The following TECPR2 variants were observed in gnomAD, a reference collection of about 807,000 sequenced individuals.
The protein encoded by TECPR2 is tectonin beta-propeller repeat containing 2.
A neutral mutation model predicts 138.1 loss-of-function variants in TECPR2; 65 were observed. The ratio of observed to expected loss-of-function variants is 0.47; its 90% CI spans 0.39 to 0.58. The LOEUF is 0.58. Among genes scored for constraint, TECPR2 ranks in the 20% least tolerant of loss-of-function variants. TECPR2 has a pLI of 0.00. For synonymous variants in TECPR2, 746 were observed against 749.8 expected (o/e 0.99, Z 0.08); for missense variants, 1,553 against 1,824.5 (o/e 0.85, Z 2.71).
At position 102,498,442 on chromosome 14, in the gene TECPR2, C is replaced by T. The variant is rs1165383165; in HGVS notation, c.*185C>T. ...CGTTCCAGAACCCACAGCCTCCACC[C>T]GTGGCTGGCGTGATTGCTGCAGCAG... On this transcript the variant is annotated 3_prime_UTR_variant, in exon 20 of 20. Transcript: ENST00000359520. The T allele has an allele frequency of 1.2e-5, 9 of 768,010 alleles. No individual in the cohort carries two copies. Among genetic ancestry groups the T allele is most frequent in the South Asian group, 1.9e-5 (1 of 53,778 alleles). 47.6% of individuals were successfully genotyped at this position (768,010 alleles called of 1,614,324 possible).
chr14:102,432,224 A>C, intron 8 of TECPR2, 96 bp downstream of exon 8: 8 of 1,246,058 alleles, frequency 6.4e-6, no homozygotes, highest in Non-Finnish European at 7.5e-6. Context: ...TGCTCCATAC[A>C]TCCAAAAGCA....
In TECPR2 at chr14:102,434,255, T is replaced by C; in HGVS notation, c.1438T>C (p.Cys480Arg). Residue 480 changes from cysteine (C) to arginine (R), a missense_variant, in exon 9 of 20, where the codon TGT (cysteine) becomes CGT (arginine). By Grantham distance (180) the Cys-to-Arg change is radical. Transcript: ENST00000359520. Reference sequence around the variant, plus strand: ...ATTAGAAGGTGGAAGCAGGAGCACCTGTCACAGCTCCCTGGAATCGACACC... The same window carrying C: ...ATTAGAAGGTGGAAGCAGGAGCACCCGTCACAGCTCCCTGGAATCGACACC... Reference protein sequence around the residue: ...KKTEGGSRSTCHSSLESTPCS... With the variant: ...KKTEGGSRSTRHSSLESTPCS... 1 of 1,375,974 alleles carries C rather than the reference T, an allele frequency of 7.3e-7. No homozygotes were observed. Among genetic ancestry groups the C allele is most frequent in the Non-Finnish European group, 9.4e-7 (1 of 1,058,380 alleles). 85.2% of individuals were successfully genotyped at this position (1,375,974 alleles called of 1,614,324 possible).
intron 17 of TECPR2, among the ~76,000 whole-genome samples, chr14:102,470,639 C>CT (rs200949179): frequency 0.017 from 2,318 of 135,992 alleles, 48 homozygotes; most frequent in African/African-American, 0.037. Flanking sequence ...TCTTCTTCTT[C>CT]TTTTTTTTTT....
intron 2 of TECPR2, among the ~76,000 whole-genome samples, chr14:102,388,469 G>A (rs562149033): frequency 5.3e-5 from 8 of 152,044 alleles, no homozygotes; most frequent in South Asian, 4.1e-4. Flanking sequence ...CAAGGTGGGC[G>A]GATCACTTAA....
intron 17 of TECPR2, among the ~76,000 whole-genome samples, chr14:102,475,562 C>T (rs1890740705): frequency 6.6e-6 from 1 of 152,168 alleles, no homozygotes; most frequent in Admixed American, 6.5e-5. Flanking sequence ...ACAGTAAATG[C>T]AGCTCTGGTC....
At chr14:102,390,404 T>G (rs936703483) in intron 2 of TECPR2, among the ~76,000 whole-genome samples, 3 of 151,816 alleles carry the variant, frequency 2.0e-5, no homozygotes, top group Admixed American at 6.6e-5. Context: ...AAGTTGGAAA[T>G]AAAGGCAAAG....
intron 2 of TECPR2, among the ~76,000 whole-genome samples, chr14:102,406,331 G>A (rs1230864616): frequency 1.3e-5 from 2 of 149,836 alleles, no homozygotes; most frequent in African/African-American, 2.5e-5. Flanking sequence ...GGCAGATCAC[G>A]AGGTCAGGAG....
At chr14:102,399,461 C>T (rs1888411327) in intron 2 of TECPR2, among the ~76,000 whole-genome samples, 1 of 152,008 alleles carries the variant, frequency 6.6e-6, no homozygotes, top group East Asian at 1.9e-4. Context: ...AAGACCTGCC[C>T]CGCAAGAAAT....
intron 3 of TECPR2, among the ~76,000 whole-genome samples, 199 bp downstream of exon 3, chr14:102,407,665 C>G (rs1888699016): frequency 6.6e-6 from 1 of 152,122 alleles, no homozygotes; most frequent in Admixed American, 6.5e-5. Context: ...AGATCAAGAC[C>G]ATCCTGGCCA....
Position 102,498,338 on chromosome 14 carries a change from C to T in TECPR2, c.*81C>T, listed in dbSNP as rs867789795. The T allele has an allele frequency of 1.9e-5, 28 of 1,475,910 alleles. No individual in the cohort carries two copies. In the Middle Eastern group the frequency reaches 7.3e-4, roughly 38 times the overall value. The allele number at this position is 1,475,910 out of a possible 1,614,324, so 91.4% of individuals were successfully genotyped here. On this transcript the variant is annotated 3_prime_UTR_variant, in exon 20 of 20. Coordinates refer to ENST00000359520, the MANE Select transcript of TECPR2 (RefSeq NM_014844.5). The stretch of plus-strand genomic sequence containing the variant: ...CTTCAGAGTGACTCCCTGGTGGACG[C>T]GCTGCCTCAACACTTGTCCAGACAC...
chr14:102,445,973 G>T, intron 13 of TECPR2, 26 bp downstream of exon 13: 1 of 1,596,084 alleles, frequency 6.3e-7, no homozygotes, highest in African/African-American at 1.3e-5. Flanking sequence ...TGCGCCACGT[G>T]CCGAGGTCTC....
Position 102,499,414 on chromosome 14 carries a change from G to A in TECPR2, c.*1157G>A, listed in dbSNP as rs963528651. Reference sequence around the variant, plus strand: ...GATATGTTTTCCGAAAACAGTGGAAGCCCTTTGTTCCTTCCCGGGTTTGTC... The same window carrying A: ...GATATGTTTTCCGAAAACAGTGGAAACCCTTTGTTCCTTCCCGGGTTTGTC... On this transcript the variant is annotated 3_prime_UTR_variant, in exon 20 of 20. Transcript: ENST00000359520. 4.4e-5 allele frequency: 26 copies of A among 588,820 alleles called. No homozygotes were observed. Among genetic ancestry groups the A allele is most frequent in the Non-Finnish European group, 6.4e-5 (21 of 330,244 alleles). 36.5% of individuals were successfully genotyped at this position (588,820 alleles called of 1,614,324 possible). A position where few individuals can be genotyped will look rare whatever the true frequency, so the allele number is the denominator to read the frequency against.
Position 102,443,131 on chromosome 14 carries a change from G to A in TECPR2, c.2753-516G>A, listed in dbSNP as rs569954096. Among the ~76,000 whole-genome samples the A allele has an allele frequency of 1.3e-5, 2 of 152,244 alleles. No homozygotes were observed. Among genetic ancestry groups the A allele is most frequent in the Admixed American group, 1.3e-4 (2 of 15,284 alleles). On this transcript the variant is annotated intron_variant, in intron 11 of 19. Transcript: ENST00000359520. This position sits in a 1 kb window ranked among gnomAD's most constrained non-coding sequence, Gnocchi z 4.9. Reference sequence around the variant, plus strand: ...TCAGGTCCCTGCCAACTCCAGCAGCGCTGCAGCCCTCTGCCTGGAAGAGCT... The same window carrying A: ...TCAGGTCCCTGCCAACTCCAGCAGCACTGCAGCCCTCTGCCTGGAAGAGCT...
chr14:102,412,378 TCAC>T (rs1320885134), intron 4 of TECPR2, among the ~76,000 whole-genome samples: 2 of 152,200 alleles, frequency 1.3e-5, no homozygotes, highest in African/African-American at 4.8e-5. Context: ...AGCAATCTGC[TCAC>T]CACAGTCTTC....
intron 17 of TECPR2, among the ~76,000 whole-genome samples, chr14:102,488,892 CTTTTTTGAGATGGAG>C (rs1345772416): frequency 2.2e-5 from 3 of 136,628 alleles, no homozygotes; most frequent in Non-Finnish European, 4.8e-5. Context: ...TTTTTTTTTT[CTTTTTTGAGATGGAG>C]TTTTGCTCTT....
At chr14:102,465,112 A>G (rs1890522978) in intron 16 of TECPR2, 29 bp from the exon 17 acceptor site, 3 of 1,610,062 alleles carry the variant, frequency 1.9e-6, no homozygotes, top group East Asian at 2.2e-5. Context: ...AAAAGTAATT[A>G]TAGTGTGTGT....
intron 3 of TECPR2, among the ~76,000 whole-genome samples, chr14:102,408,282 T>C (rs559585125): frequency 3.3e-5 from 5 of 152,316 alleles, no homozygotes; most frequent in African/African-American, 9.6e-5. Flanking sequence ...ATTTCATTTT[T>C]GCTTAATATT....
intron 4 of TECPR2, among the ~76,000 whole-genome samples, 184 bp from the exon 5 acceptor site, chr14:102,414,452 C>G (rs770768595): frequency 3.3e-5 from 5 of 152,202 alleles, no homozygotes; most frequent in Non-Finnish European, 7.3e-5. Flanking sequence ...GGACTCTTTT[C>G]CCATCCGTCA....
In TECPR2 at chr14:102,491,586, T is replaced by TGAAGCCTGCCATCAGCCC. The variant is rs544944663; in HGVS notation, c.3790-5392_3790-5375dup. 3.1e-3 allele frequency among the ~76,000 whole-genome samples: 469 copies of TGAAGCCTGCCATCAGCCC among 152,314 alleles called. 4 individuals are homozygous for TGAAGCCTGCCATCAGCCC. The highest frequency in any genetic ancestry group is 0.011 in the African/African-American group (457 of 41,578). On this transcript the variant is annotated intron_variant, in intron 17 of 19. Coordinates refer to ENST00000359520, the MANE Select transcript of TECPR2 (RefSeq NM_014844.5). Reference sequence around the variant, plus strand: ...TGAAATCATACTTCTTCCCTCAGCCTGAAGCCTGCCATCAGCCCTAGCAGC... The same window carrying TGAAGCCTGCCATCAGCCC: ...TGAAATCATACTTCTTCCCTCAGCCTGAAGCCTGCCATCAGCCCGAAGCCTGCCATCAGCCCTAGCAGC...
Sources: allele counts gnomAD v4.1 joint callset (sites outside exome capture counted in the v4.1 genomes callset), GRCh38; gene constraint gnomAD v4.1.1; non-coding constraint Gnocchi (gnomAD v3.1); transcripts MANE v1.5; gene names NCBI Gene and HGNC (gene_info 2026-07-23, HGNC 2026-07-21).